The following SENP2 variants were observed in gnomAD, a reference collection of about 807,000 sequenced individuals.
The protein encoded by SENP2 is SUMO specific peptidase 2, also known as sentrin-specific protease 2.
A neutral mutation model predicts 86.3 loss-of-function variants in SENP2; 16 were observed. The ratio of observed to expected loss-of-function variants is 0.19; its 90% CI spans 0.13 to 0.28. The LOEUF (loss-of-function observed/expected upper bound fraction) is 0.28, where lower values mean the gene tolerates loss of function less well. SENP2 is among the 10% of genes least tolerant of loss of function. The pLI, the probability that SENP2 is intolerant of heterozygous loss-of-function variation, is 1.00. For synonymous variants in SENP2, 222 were observed against 238.7 expected (o/e 0.93, Z 0.64); for missense variants, 552 against 703.0 (o/e 0.79, Z 2.43).
chr3:185,604,626 T>C (rs1722451633), intron 5 of SENP2, among the ~76,000 whole-genome samples: 1 of 152,262 alleles, frequency 6.6e-6, no homozygotes, highest in African/African-American at 2.4e-5. Flanking sequence ...TAACCTGACC[T>C]AGATTCACCA....
At chr3:185,619,639 G>A (rs1463774307) in intron 13 of SENP2, 137 bp downstream of exon 13, 1 of 368,716 alleles carries the variant, frequency 2.7e-6, no homozygotes, top group Non-Finnish European at 4.6e-6. Flanking sequence ...TCTCTTTTTA[G>A]TTTTTTTTTT....
At chr3:185,598,133 C>T (rs1421428272) in intron 2 of SENP2, among the ~76,000 whole-genome samples, 3 of 152,166 alleles carry the variant, frequency 2.0e-5, no homozygotes, top group African/African-American at 7.2e-5. Context: ...CCACCTCAGC[C>T]TCCCAGGTAG....
rs1436326642 is a variant in SENP2 at position 185,632,744 on chromosome 3, A to C, written c.*2900A>C. On this transcript the variant is annotated 3_prime_UTR_variant, in exon 17 of 17. Transcript: ENST00000296257. ...TCTCCATGTTGGTCAGGCTGGTCTT[A>C]AACTCCCGACCTCAAGTGATCTGCC... 1.4e-5 allele frequency: 2 copies of C among 143,342 alleles called. No homozygotes were observed. Among genetic ancestry groups the C allele is most frequent in the Non-Finnish European group, 3.0e-5 (2 of 65,858 alleles). The allele number at this position is 143,342 out of a possible 1,614,324, so 8.9% of individuals were successfully genotyped here. A position where few individuals can be genotyped will look rare whatever the true frequency, so the allele number is the denominator to read the frequency against.
chr3:185,619,547 G>A (rs747896867), intron 13 of SENP2, 45 bp downstream of exon 13: 1 of 1,531,988 alleles, frequency 6.5e-7, no homozygotes, highest in Admixed American at 1.7e-5. Flanking sequence ...TTGGATAAAG[G>A]CCATTTTTTA....
At position 185,586,721 on chromosome 3, in the gene SENP2, G is replaced by A. The variant is rs1721796212; in HGVS notation, c.101+207G>A. On this transcript the variant is annotated intron_variant, in intron 1 of 16. Transcript: ENST00000296257. This position sits in a 1 kb window ranked among gnomAD's most constrained non-coding sequence, Gnocchi z 4.3. Reference sequence around the variant, plus strand: ...CTTCGTAGCGGCCGGTGATGGCAGGGTCTTTGACATTCTTGTCAGAGGCCA... The same window carrying A: ...CTTCGTAGCGGCCGGTGATGGCAGGATCTTTGACATTCTTGTCAGAGGCCA... 6.6e-6 allele frequency among the ~76,000 whole-genome samples: 1 copy of A among 152,222 alleles called. No individual in the cohort carries two copies. The highest frequency in any genetic ancestry group is 1.5e-5 in the Non-Finnish European group (1 of 68,028).
At chr3:185,620,954 C>T (rs528268394) in intron 13 of SENP2, among the ~76,000 whole-genome samples, 10 of 151,242 alleles carry the variant, frequency 6.6e-5, no homozygotes, top group African/African-American at 2.2e-4. Context: ...GCCTGGGCAA[C>T]ATGGAAAGAC....
intron 3 of SENP2, 144 bp downstream of exon 3, chr3:185,598,689 C>A: frequency 1.2e-6 from 1 of 828,670 alleles, no homozygotes; most frequent in Non-Finnish European, 1.8e-6. Flanking sequence ...CTATAAAGGC[C>A]AAGAAATTAA....
chr3:185,625,770 G>C (rs1712118040), intron 15 of SENP2, among the ~76,000 whole-genome samples: 1 of 152,208 alleles, frequency 6.6e-6, no homozygotes, highest in Non-Finnish European at 1.5e-5. Context: ...CTTAGCTAGA[G>C]AAGTTACATT....
In SENP2 at chr3:185,632,867, T is replaced by G. The variant is rs1451437622; in HGVS notation, c.*3023T>G. The stretch of plus-strand genomic sequence containing the variant: ...AATAGTTTAGGGGGTTGAGAAAAGA[T>G]GCAGTGAGCCATTATTCTCCTTTAG... On this transcript the variant is annotated 3_prime_UTR_variant, in exon 17 of 17. Coordinates refer to ENST00000296257, the MANE Select transcript of SENP2 (RefSeq NM_021627.3). 1.3e-5 allele frequency: 2 copies of G among 152,234 alleles called. No individual in the cohort carries two copies. The highest frequency in any genetic ancestry group is 3.8e-4 in the East Asian group (2 of 5,202). The allele number at this position is 152,234 out of a possible 1,614,324, so 9.4% of individuals were successfully genotyped here.
chr3:185,610,154 C>CTTTTTTTTT (rs557832407), intron 7 of SENP2, among the ~76,000 whole-genome samples: 1 of 115,078 alleles, frequency 8.7e-6, no homozygotes, highest in African/African-American at 3.2e-5. Flanking sequence ...TATTATCTAG[C>CTTTTTTTTT]TTTTTTTTTT....
Position 185,629,971 on chromosome 3 carries a change from T to C in SENP2, c.*127T>C. On this transcript the variant is annotated 3_prime_UTR_variant, in exon 17 of 17. Coordinates refer to ENST00000296257, the MANE Select transcript of SENP2 (RefSeq NM_021627.3). ...CTCACAGGTACTGAGCTGTCAAAAG[T>C]GCATGAAGGCCTCTCACTGTACTCT... The C allele has an allele frequency of 4.5e-6, 4 of 888,552 alleles. No individual in the cohort carries two copies. The highest frequency in any genetic ancestry group is 7.2e-6 in the Non-Finnish European group (4 of 555,152). The allele number at this position is 888,552 out of a possible 1,614,324, so 55.0% of individuals were successfully genotyped here. A position where few individuals can be genotyped will look rare whatever the true frequency, so the allele number is the denominator to read the frequency against.
intron 16 of SENP2, among the ~76,000 whole-genome samples, chr3:185,627,371 GA>G (rs1577748787): frequency 6.6e-6 from 1 of 152,196 alleles, no homozygotes. Flanking sequence ...TGTAACTTGT[GA>G]ATACTGCTTT....
Position 185,606,322 on chromosome 3 carries a change from T to C in SENP2, c.450-8T>C. The C allele has an allele frequency of 1.9e-6, 3 of 1,574,340 alleles. No homozygotes were observed. Among genetic ancestry groups the C allele is most frequent in the Non-Finnish European group, 2.6e-6 (3 of 1,166,140 alleles). On this transcript the variant is annotated splice_polypyrimidine_tract_variant and splice_region_variant and intron_variant, in intron 5 of 16. Coordinates refer to ENST00000296257, the MANE Select transcript of SENP2 (RefSeq NM_021627.3). ...GATACTTTTTTTCTTTTTTTTTCTGTTGCTCAGTTTTACTTTGAACTCAGA... is the reference window on the plus strand; with the variant it reads ...GATACTTTTTTTCTTTTTTTTTCTGCTGCTCAGTTTTACTTTGAACTCAGA...
In SENP2 at chr3:185,621,371, G is replaced by A. The variant is rs6444078; in HGVS notation, c.1447-455G>A. On this transcript the variant is annotated intron_variant, in intron 13 of 16. Coordinates refer to ENST00000296257, the MANE Select transcript of SENP2 (RefSeq NM_021627.3). The stretch of plus-strand genomic sequence containing the variant: ...ACATGTACCAATATAAGTGGATATC[G>A]TTTTTCTTTTTTTTCTTTTTTTTTT... Among the ~76,000 whole-genome samples the A allele has an allele frequency of 6.7e-3, 834 of 123,952 alleles. 16 individuals are homozygous for A. The highest frequency in any genetic ancestry group is 0.024 in the African/African-American group (798 of 33,596). The allele number at this position is 123,952 out of a possible 152,430, so 81.3% of individuals were successfully genotyped here.
chr3:185,597,748 G>A (rs1035520636), intron 2 of SENP2, among the ~76,000 whole-genome samples: 2 of 151,702 alleles, frequency 1.3e-5, no homozygotes, highest in Non-Finnish European at 2.9e-5. Context: ...CTGCCTCCTG[G>A]GTTCAAGCGA....
chr3:185,621,386 C>CTTTTTTT (rs1220771289), intron 13 of SENP2, among the ~76,000 whole-genome samples: 104 of 78,748 alleles, frequency 1.3e-3, no homozygotes, highest in Non-Finnish European at 1.5e-3. Context: ...TCTTTTTTTT[C>CTTTTTTT]TTTTTTTTTT....
chr3:185,623,602 A>C (rs566595433), intron 14 of SENP2, among the ~76,000 whole-genome samples: 8 of 152,118 alleles, frequency 5.3e-5, no homozygotes, highest in African/African-American at 1.9e-4. Context: ...GGCAGGCGGG[A>C]TCACAGGCTC....
intron 5 of SENP2, among the ~76,000 whole-genome samples, chr3:185,604,708 TTGATTCATGTCCC>T (rs1722454281): frequency 6.6e-6 from 1 of 152,198 alleles, no homozygotes; most frequent in African/African-American, 2.4e-5. Context: ...TTAAGAGTCT[TTGATTCATGTCCC>T]TTTAATCCTA....
intron 5 of SENP2, among the ~76,000 whole-genome samples, chr3:185,604,016 G>A (rs566291575): frequency 6.6e-6 from 1 of 152,288 alleles, no homozygotes; most frequent in East Asian, 1.9e-4. Flanking sequence ...AGCTACTTGA[G>A]AGGCTGAGGG....
Sources: gnomAD v4.1 joint callset for allele counts (sites outside exome capture counted in the v4.1 genomes callset) on GRCh38, gnomAD v4.1.1 for gene constraint, Gnocchi (gnomAD v3.1) non-coding constraint, MANE v1.5 for transcripts, NCBI Gene and HGNC (gene_info 2026-07-23, HGNC 2026-07-21) for gene names.